The following SIK3 variants were observed in gnomAD, a reference collection of about 807,000 sequenced individuals.
The protein encoded by SIK3 is serine/threonine-protein kinase SIK3.
Under a neutral mutation model 144.2 loss-of-function variants are expected in SIK3, and 28 were observed. The ratio of observed to expected loss-of-function variants is 0.19; its 90% CI spans 0.14 to 0.27. The LOEUF (loss-of-function observed/expected upper bound fraction) is 0.27. SIK3 is among the 10% of genes least tolerant of loss of function. SIK3 has a pLI of 1.00. For synonymous variants in SIK3, 686 were observed against 676.3 expected (o/e 1.01, Z -0.22); for missense variants, 1,319 against 1,776.0 (o/e 0.74, Z 4.62).
intron 1 of SIK3, among the ~76,000 whole-genome samples, chr11:116,973,601 AG>A (rs956644213): frequency 1.1e-4 from 17 of 152,102 alleles, no homozygotes; most frequent in African/African-American, 4.1e-4. Flanking sequence ...ACATTATGAA[AG>A]GGGGGGAAAG....
rs532730605 is a variant in SIK3, at chr11:116,938,188, G to T, written c.455-10808C>A. On this transcript the variant is annotated intron_variant, in intron 3 of 24. Coordinates refer to ENST00000445177, the MANE Select transcript of SIK3 (RefSeq NM_001366686.3). ...CCACTGCACTCCCGCCTGGGCAACA[G>T]AGTGAGACTCTATCTAGAGGGGAGG... Among the ~76,000 whole-genome samples, 6 of 103,248 alleles carry T rather than the reference G, an allele frequency of 5.8e-5. No individual in the cohort carries two copies. The East Asian group carries it at 2.0e-3, about 34-fold the overall frequency. 67.7% of individuals were successfully genotyped at this position (103,248 alleles called of 152,430 possible). A position where few individuals can be genotyped will look rare whatever the true frequency, so the allele number is the denominator to read the frequency against.
At chr11:117,068,509 G>A (rs993983555) in intron 1 of SIK3, among the ~76,000 whole-genome samples, 8 of 152,180 alleles carry the variant, frequency 5.3e-5, no homozygotes, top group African/African-American at 9.7e-5. Flanking sequence ...AGCACTTTGC[G>A]AGGCCAAAGT....
At chr11:117,022,493 T>A (rs922511372) in intron 1 of SIK3, among the ~76,000 whole-genome samples, 1 of 152,198 alleles carries the variant, frequency 6.6e-6, no homozygotes, top group Non-Finnish European at 1.5e-5. Flanking sequence ...GTGTACTGAT[T>A]AATTCTTGAA....
intron 3 of SIK3, among the ~76,000 whole-genome samples, chr11:116,947,141 T>A (rs549030079): frequency 3.1e-4 from 44 of 139,820 alleles, no homozygotes; most frequent in African/African-American, 1.1e-3. Context: ...TATAAATTAT[T>A]ATTTATATAT....
chr11:116,867,584 G>A lies in SIK3; in HGVS notation c.1952+362C>T, dbSNP rs1294379635. ...AAGGTGATGGATTATTAAAGGTCAA[G>A]TCTATCGATATGGCTAAAAATCTTC... On this transcript the variant is annotated intron_variant, in intron 15 of 24. Coordinates refer to ENST00000445177, the MANE Select transcript of SIK3 (RefSeq NM_001366686.3). This position sits in a 1 kb window ranked among gnomAD's most constrained non-coding sequence, Gnocchi z 4.1. The A allele has an allele frequency of 5.4e-6, 1 of 184,988 alleles. No homozygotes were observed. The highest frequency in any genetic ancestry group is 1.7e-4 in the South Asian group (1 of 6,008). 11.5% of individuals were successfully genotyped at this position (184,988 alleles called of 1,614,324 possible).
chr11:117,011,456 C>T (rs1049764004), intron 1 of SIK3, among the ~76,000 whole-genome samples: 3 of 152,108 alleles, frequency 2.0e-5, no homozygotes, highest in Non-Finnish European at 4.4e-5. Context: ...AAATTTCTGT[C>T]CATTGTTACA....
At chr11:116,851,239 T>C (rs893425127) in intron 21 of SIK3, among the ~76,000 whole-genome samples, 2 of 152,194 alleles carry the variant, frequency 1.3e-5, no homozygotes, top group Non-Finnish European at 2.9e-5. Context: ...GTTTGCTTGG[T>C]TGGTTTTCTG....
intron 4 of SIK3, among the ~76,000 whole-genome samples, chr11:116,908,606 G>A (rs923292043): frequency 6.6e-6 from 1 of 152,068 alleles, no homozygotes; most frequent in African/African-American, 2.4e-5. Context: ...AGAGAATCCA[G>A]TAGAAAAATG....
At chr11:116,861,180 G>T in intron 19 of SIK3, 94 bp downstream of exon 19, 2 of 981,486 alleles carry the variant, frequency 2.0e-6, no homozygotes, top group Non-Finnish European at 3.1e-6. Context: ...ATGTTATTCT[G>T]CCTTTCAAAT....
At chr11:116,891,007 A>T (rs562190318) in intron 6 of SIK3, among the ~76,000 whole-genome samples, 5 of 152,318 alleles carry the variant, frequency 3.3e-5, no homozygotes, top group Non-Finnish European at 7.4e-5. Context: ...CACTGTACAT[A>T]GTAAGGTAAG....
chr11:116,962,540 A>C (rs1393165631), intron 1 of SIK3, among the ~76,000 whole-genome samples: 1 of 152,164 alleles, frequency 6.6e-6, no homozygotes, highest in Non-Finnish European at 1.5e-5. Context: ...ACATTTTGTC[A>C]TTGTAAGCTT....
intron 18 of SIK3, 118 bp from the exon 19 acceptor site, chr11:116,861,501 A>G (rs1943327934): frequency 1.4e-6 from 1 of 731,974 alleles, no homozygotes; most frequent in Non-Finnish European, 2.2e-6. Context: ...GATAAGCCTC[A>G]TGTTAGAAAA....
intron 1 of SIK3, among the ~76,000 whole-genome samples, chr11:117,062,028 T>A (rs543162173): frequency 7.9e-5 from 12 of 151,934 alleles, no homozygotes; most frequent in Non-Finnish European, 1.3e-4. Context: ...TTTTTTTTTT[T>A]AAATAAAAAA....
At chr11:116,879,329 C>T (rs1279544224) in intron 6 of SIK3, among the ~76,000 whole-genome samples, 1 of 152,176 alleles carries the variant, frequency 6.6e-6, no homozygotes, top group Non-Finnish European at 1.5e-5. Context: ...AAGCACTGTG[C>T]TTACCAACTT....
intron 1 of SIK3, among the ~76,000 whole-genome samples, chr11:116,996,148 A>G (rs1476862661): frequency 6.6e-6 from 1 of 152,100 alleles, no homozygotes; most frequent in Admixed American, 6.5e-5. Context: ...TCTCTACTAA[A>G]AATACAAAAA....
chr11:117,075,545 T>A (rs970343901), intron 1 of SIK3, among the ~76,000 whole-genome samples: 1 of 120,972 alleles, frequency 8.3e-6, no homozygotes, highest in African/African-American at 3.9e-5. Flanking sequence ...TATTTTTTTT[T>A]CTTTTTTTTT....
intron 2 of SIK3, 95 bp from the exon 3 acceptor site, chr11:116,954,202 T>C (rs1949055936): frequency 1.1e-6 from 1 of 934,448 alleles, no homozygotes; most frequent in South Asian, 1.4e-5. Context: ...ATTTGAAATA[T>C]TAATAACCAC....
At chr11:117,042,423 T>C (rs906852777) in intron 1 of SIK3, among the ~76,000 whole-genome samples, 1 of 152,178 alleles carries the variant, frequency 6.6e-6, no homozygotes, top group African/African-American at 2.4e-5. Flanking sequence ...ATGTGTCTGG[T>C]TCTTAAAAGT....
chr11:116,978,142 G>A (rs1408200480), intron 1 of SIK3, among the ~76,000 whole-genome samples: 1 of 151,918 alleles, frequency 6.6e-6, no homozygotes, highest in Non-Finnish European at 1.5e-5. Flanking sequence ...TGCTTGAACC[G>A]GGGAGGCGGA....
Sources: allele counts gnomAD v4.1 joint callset (sites outside exome capture counted in the v4.1 genomes callset), GRCh38; gene constraint gnomAD v4.1.1; non-coding constraint Gnocchi (gnomAD v3.1); transcripts MANE v1.5; gene names NCBI Gene and HGNC (gene_info 2026-07-23, HGNC 2026-07-21).